The following PRDM2 variants were observed in gnomAD, a reference collection of about 807,000 sequenced individuals.
PRDM2 encodes PR domain zinc finger protein 2.
PRDM2 carries 30 observed loss-of-function variants against 130.0 expected under a neutral mutation model. That is an observed-to-expected ratio of 0.23 (90% CI 0.17 to 0.31). PRDM2 has a LOEUF of 0.31. PRDM2 is among the 10% of genes least tolerant of loss of function. PRDM2 has a pLI of 1.00. For synonymous variants in PRDM2, 871 were observed against 782.4 expected, an observed-to-expected ratio of 1.11 and a Z score of -1.89; for missense variants, 2,011 against 2,108.4, an observed-to-expected ratio of 0.95 and a Z score of 0.90.
chr1:13,780,841 G>T lies in PRDM2; in HGVS notation c.3046G>T (p.Ala1016Ser), dbSNP rs138768059. The T allele has an allele frequency of 2.3e-5, 37 of 1,579,154 alleles. No homozygotes were observed. The highest frequency in any genetic ancestry group is 2.9e-5 in the Non-Finnish European group (34 of 1,163,282). The change falls in exon 8 of 10, where the codon GCA (alanine) becomes TCA (serine). Residue 1016 changes from alanine (A) to serine (S), a missense_variant. Ala to Ser is a moderately conservative substitution (Grantham distance 99). Transcript: ENST00000311066. ...CCCCTCTCCACTCTCAAATGCCACC[G>T]CACAGTCCCCACTTCCAATTCTGTC... ...PCPSPLSNAT[A>S]QSPLPILSPT...
chr1:13,789,283 G>T (rs1355397030), intron 8 of PRDM2, among the ~76,000 whole-genome samples: 3 of 152,240 alleles, frequency 2.0e-5, no homozygotes, highest in Non-Finnish European at 4.4e-5. Flanking sequence ...TCTGGTAAAT[G>T]CCTTGCTAGG....
chr1:13,789,726 AT>A (rs1644808082), intron 8 of PRDM2, among the ~76,000 whole-genome samples: 2 of 152,258 alleles, frequency 1.3e-5, no homozygotes, highest in African/African-American at 4.8e-5. Flanking sequence ...CATAAAAAAA[AT>A]CATAAAGGGC....
chr1:13,742,233 TTC>T (rs1442786325), intron 5 of PRDM2, 76 bp downstream of exon 5: 59 of 1,472,864 alleles, frequency 4.0e-5, no homozygotes, highest in Non-Finnish European at 4.9e-5. Flanking sequence ...GACGGTCTCA[TTC>T]TGTCTCTCAG....
chr1:13,748,838 C>G (rs995076888), intron 5 of PRDM2, among the ~76,000 whole-genome samples: 15 of 152,150 alleles, frequency 9.9e-5, no homozygotes, highest in African/African-American at 3.1e-4. Context: ...GGCGGCCTCC[C>G]GTTGGCGGCT....
In PRDM2 at chr1:13,749,342, G is replaced by A. The variant is rs769899423; in HGVS notation, c.385-19G>A. The A allele has an allele frequency of 2.7e-6, 4 of 1,468,940 alleles. No homozygotes were observed. In the African/African-American group the frequency reaches 6.0e-5, roughly 22 times the overall value. 91.0% of individuals were successfully genotyped at this position (1,468,940 alleles called of 1,614,324 possible). A position where few individuals can be genotyped will look rare whatever the true frequency, so the allele number is the denominator to read the frequency against. ...CGCCGCTCTGATTGGCCCGGCGCTT[G>A]TCTCTTCTCTCCCCGCAGCCAATCG... On this transcript the variant is annotated intron_variant, in intron 5 of 9. Coordinates refer to ENST00000311066, the MANE Select transcript of PRDM2 (RefSeq NM_001393986.1).
At chr1:13,819,442 G>C (rs761441855) in intron 9 of PRDM2, among the ~76,000 whole-genome samples, 1 of 152,134 alleles carries the variant, frequency 6.6e-6, no homozygotes, top group Non-Finnish European at 1.5e-5. Context: ...CACCAACAAC[G>C]AAGGCTCCAA....
intron 5 of PRDM2, among the ~76,000 whole-genome samples, chr1:13,743,072 T>C (rs1330575893): frequency 6.6e-6 from 1 of 152,064 alleles, no homozygotes; most frequent in African/African-American, 2.4e-5. Context: ...GCAAAGGCCA[T>C]ATCTCCCTCA....
Position 13,771,866 on chromosome 1 carries a change from C to T in PRDM2, c.512-1212C>T, listed in dbSNP as rs947484052. 6.6e-6 allele frequency: 1 copy of T among 152,070 alleles called. No individual in the cohort carries two copies. The highest frequency in any genetic ancestry group is 1.5e-5 in the Non-Finnish European group (1 of 68,008). The allele number at this position is 152,070 out of a possible 1,614,324, so 9.4% of individuals were successfully genotyped here. ...TGGTGTTTTTTAGGATTTGTTTTTGCTTTGTATTGTATTTGATGTTTCTAC... is the reference window on the plus strand; with the variant it reads ...TGGTGTTTTTTAGGATTTGTTTTTGTTTTGTATTGTATTTGATGTTTCTAC... On this transcript the variant is annotated intron_variant, in intron 6 of 9. Coordinates refer to ENST00000311066, the MANE Select transcript of PRDM2 (RefSeq NM_001393986.1). This position sits in a 1 kb window ranked among gnomAD's most constrained non-coding sequence, Gnocchi z 4.1.
rs777404774 is a variant in PRDM2, at chr1:13,779,673, A to G, written c.1878A>G (p.Lys626=). The change falls in exon 8 of 10, where the codon AAA becomes AAG. Residue 626 remains lysine (K), a synonymous_variant. Transcript: ENST00000311066. The surrounding 1 kb of genome is among the most constrained non-coding windows in gnomAD (Gnocchi z 4.9). ...TQVPVTEDLP[K]EPLGSTNSEA... is the part of the protein sequence containing the mutation. ...TCCCTGTAACAGAAGATCTTCCTAA[A>G]GAGCCTTTGGGCAGCACAAATAGTG... 6.2e-7 allele frequency: 1 copy of G among 1,614,142 alleles called. No individual in the cohort carries two copies. Among genetic ancestry groups the G allele is most frequent in the South Asian group, 1.1e-5 (1 of 91,074 alleles).
chr1:13,818,980 G>A (rs1351456263), intron 9 of PRDM2, among the ~76,000 whole-genome samples: 1 of 152,204 alleles, frequency 6.6e-6, no homozygotes, highest in African/African-American at 2.4e-5. Context: ...GGCCCCAAGA[G>A]AAGAGACATA....
At chr1:13,702,915 A>C (rs12726332) in intron 1 of PRDM2, among the ~76,000 whole-genome samples, 2,166 of 152,286 alleles carry the variant, frequency 0.014, 28 homozygotes, top group Middle Eastern at 0.031. Context: ...TTGCATGACG[A>C]TGGGTAGCTA....
intron 8 of PRDM2, chr1:13,787,371 T>C: frequency 4.1e-6 from 4 of 984,892 alleles, no homozygotes; most frequent in Non-Finnish European, 4.8e-6. Context: ...AATTGGCCTC[T>C]TCCTAAGTAT....
chr1:13,758,160 G>A (rs992887620), intron 6 of PRDM2, among the ~76,000 whole-genome samples: 1 of 151,974 alleles, frequency 6.6e-6, no homozygotes, highest in African/African-American at 2.4e-5. Context: ...TTAGTAAGTC[G>A]TAGCCAGGCG....
At chr1:13,786,703 T>G in intron 8 of PRDM2, 1 of 1,458,778 alleles carries the variant, frequency 6.9e-7, no homozygotes, top group Non-Finnish European at 9.0e-7. Context: ...AGGCATCTGC[T>G]GCTTCGGTGG....
intron 1 of PRDM2, among the ~76,000 whole-genome samples, chr1:13,700,862 A>ATGTG (rs891928172): frequency 1.3e-5 from 2 of 151,912 alleles, no homozygotes; most frequent in Non-Finnish European, 2.9e-5. Flanking sequence ...CCACGGGTGT[A>ATGTG]TGTGTGTGTG....
intron 8 of PRDM2, among the ~76,000 whole-genome samples, chr1:13,802,951 A>AG (rs1221728941): frequency 1.3e-5 from 2 of 152,158 alleles, no homozygotes; most frequent in Non-Finnish European, 2.9e-5. Flanking sequence ...AAGGCAGAGG[A>AG]GGGAGGAAGC....
At chr1:13,724,439 C>T (rs754786048) in intron 2 of PRDM2, among the ~76,000 whole-genome samples, 2 of 151,826 alleles carry the variant, frequency 1.3e-5, no homozygotes, top group Non-Finnish European at 2.9e-5. Flanking sequence ...CTTGACACTG[C>T]TCACACTCTT....
chr1:13,765,177 G>T (rs1450782103), intron 6 of PRDM2, among the ~76,000 whole-genome samples: 1 of 151,158 alleles, frequency 6.6e-6, no homozygotes, highest in Non-Finnish European at 1.5e-5. Context: ...GCACACTGGT[G>T]CCCCCATCAG....
intron 4 of PRDM2, among the ~76,000 whole-genome samples, chr1:13,741,467 G>T (rs778997863): frequency 1.3e-5 from 2 of 152,140 alleles, no homozygotes; most frequent in Non-Finnish European, 2.9e-5. Flanking sequence ...TTCACAATGC[G>T]TGTTCACTCC....
Sources: allele counts gnomAD v4.1 joint callset (sites outside exome capture counted in the v4.1 genomes callset), GRCh38; gene constraint gnomAD v4.1.1; non-coding constraint Gnocchi (gnomAD v3.1); transcripts MANE v1.5; gene names NCBI Gene and HGNC (gene_info 2026-07-23, HGNC 2026-07-21).